Variants in SMARCA2 observed in about 807,000 individuals in gnomAD.
The protein encoded by SMARCA2 is SWI/SNF-related matrix-associated actin-dependent regulator of chromatin subfamily A member 2.
A neutral mutation model predicts 199.8 loss-of-function variants in SMARCA2; 61 were observed. The ratio of observed to expected loss-of-function variants is 0.31; its 90% CI spans 0.25 to 0.38. The LOEUF (loss-of-function observed/expected upper bound fraction) is 0.38. Among genes scored for constraint, SMARCA2 ranks in the 10% least tolerant of loss-of-function variants. SMARCA2 has a pLI of 1.00. For missense variants in SMARCA2, 1,344 were observed against 2,012.2 expected (o/e 0.67, Z 6.35); for synonymous variants, 935 against 732.0 (o/e 1.28, Z -4.48).
intron 27 of SMARCA2, among the ~76,000 whole-genome samples, chr9:2,128,116 C>T (rs1042360698): frequency 6.6e-6 from 1 of 152,068 alleles, no homozygotes; most frequent in Non-Finnish European, 1.5e-5. Context: ...CTCTCTTCCC[C>T]GGGGGCTCCC....
At chr9:2,129,552 G>C (rs1260367178) in intron 27 of SMARCA2, among the ~76,000 whole-genome samples, 1 of 152,198 alleles carries the variant, frequency 6.6e-6, no homozygotes, top group Admixed American at 6.5e-5. Flanking sequence ...TAACCAGGGA[G>C]TGCTACTGGG....
chr9:2,039,841 C>T lies in SMARCA2; in HGVS notation c.731C>T (p.Pro244Leu), dbSNP rs562886418. Residue 244 changes from proline (P) to leucine (L), a missense_variant, in exon 4 of 34, where the codon CCG (proline) becomes CTG (leucine). Coordinates refer to ENST00000349721, the MANE Select transcript of SMARCA2 (RefSeq NM_003070.5). The surrounding 1 kb of genome is among the most constrained non-coding windows in gnomAD (Gnocchi z 4.8). ...CAACAGCAGCCGCAGCAGCAGCCGC[C>T]GCAACCACAGACGCAGCAACAACAG... ...QQQQQPQQQP[P>L]QPQTQQQQQP... 60 of 1,612,486 alleles carry T rather than the reference C, an allele frequency of 3.7e-5. No homozygotes were observed. Among genetic ancestry groups the T allele is most frequent in the African/African-American group, 1.9e-4 (14 of 74,848 alleles).
At chr9:2,064,898 C>G (rs1820759488) in intron 9 of SMARCA2, among the ~76,000 whole-genome samples, 1 of 152,202 alleles carries the variant, frequency 6.6e-6, no homozygotes, top group Admixed American at 6.5e-5. Context: ...AAAAGTTTAG[C>G]CATCAGCTGG....
chr9:2,191,125 C>A, intron 32 of SMARCA2, 141 bp from the exon 33 acceptor site: 1 of 794,654 alleles, frequency 1.3e-6, no homozygotes, highest in Non-Finnish European at 2.1e-6. Flanking sequence ...GACAGAACCA[C>A]ACAGAACAGG....
chr9:2,076,421 T>A, intron 13 of SMARCA2, 92 bp downstream of exon 13: 1 of 802,138 alleles, frequency 1.2e-6, no homozygotes, highest in Non-Finnish European at 2.2e-6. Context: ...GGAAGGCAAC[T>A]AACTTCACGC....
chr9:2,151,795 A>T (rs758513478), intron 27 of SMARCA2, among the ~76,000 whole-genome samples: 19 of 141,770 alleles, frequency 1.3e-4, no homozygotes, highest in African/African-American at 2.7e-4. Flanking sequence ...CAATGAATAT[A>T]AAAAAAACAC....
intron 27 of SMARCA2, chr9:2,157,618 G>T: frequency 2.9e-6 from 1 of 341,640 alleles, no homozygotes; most frequent in Non-Finnish European, 5.3e-6. Context: ...CTTTAGAATT[G>T]CTCCTTTCAG....
At chr9:2,130,853 G>A (rs375865752) in intron 27 of SMARCA2, among the ~76,000 whole-genome samples, 1 of 152,312 alleles carries the variant, frequency 6.6e-6, no homozygotes, top group African/African-American at 2.4e-5. Flanking sequence ...GACAAGCCCA[G>A]TGGGCCACGG....
At chr9:2,085,003 C>T (rs2130478687) in intron 17 of SMARCA2, among the ~76,000 whole-genome samples, 1 of 152,244 alleles carries the variant, frequency 6.6e-6, no homozygotes, top group South Asian at 2.1e-4. Flanking sequence ...GCACTATAAT[C>T]TGAAACTAAG....
chr9:2,183,479 C>G (rs182112889), intron 31 of SMARCA2, among the ~76,000 whole-genome samples: 1 of 152,160 alleles, frequency 6.6e-6, no homozygotes, highest in African/African-American at 2.4e-5. Context: ...TTTTTCCTGT[C>G]TGTATCTCTG....
intron 24 of SMARCA2, among the ~76,000 whole-genome samples, chr9:2,112,166 G>A (rs1363756754): frequency 6.6e-6 from 1 of 152,192 alleles, no homozygotes; most frequent in Non-Finnish European, 1.5e-5. Context: ...AGCAGGCAGT[G>A]AGCTAGGCTG....
intron 27 of SMARCA2, chr9:2,160,681 C>G (rs1586771300): frequency 5.8e-6 from 4 of 690,142 alleles, no homozygotes; most frequent in East Asian, 5.4e-5. Flanking sequence ...CATTTGCATA[C>G]TGGAGGCAAT....
intron 27 of SMARCA2, among the ~76,000 whole-genome samples, chr9:2,126,329 T>C (rs929953143): frequency 6.6e-6 from 1 of 152,254 alleles, no homozygotes; most frequent in African/African-American, 2.4e-5. Flanking sequence ...AATCTAATCT[T>C]TTGAAAACTG....
At chr9:2,156,492 C>T (rs1315265351) in intron 27 of SMARCA2, among the ~76,000 whole-genome samples, 1 of 127,580 alleles carries the variant, frequency 7.8e-6, no homozygotes, top group Non-Finnish European at 1.5e-5. Flanking sequence ...TGCAATGGCA[C>T]AATCTTGGCT....
chr9:2,021,000 A>G (rs1216750115), intron 1 of SMARCA2, among the ~76,000 whole-genome samples: 1 of 152,224 alleles, frequency 6.6e-6, no homozygotes, highest in Non-Finnish European at 1.5e-5. Context: ...TTAGATAGCT[A>G]CGACTTCCAG....
intron 24 of SMARCA2, among the ~76,000 whole-genome samples, chr9:2,112,843 A>T (rs1331768356): frequency 6.6e-6 from 1 of 152,128 alleles, no homozygotes; most frequent in East Asian, 1.9e-4. Flanking sequence ...AAGGTACAGA[A>T]CTCTACTAAA....
intron 4 of SMARCA2, among the ~76,000 whole-genome samples, chr9:2,046,839 A>C (rs965470379): frequency 3.3e-5 from 5 of 152,162 alleles, no homozygotes; most frequent in Admixed American, 1.3e-4. Context: ...AAAAAGAAAA[A>C]GAAAGAAACC....
Position 2,086,773 on chromosome 9 carries a change from A to G in SMARCA2, c.2527-56A>G. On this transcript the variant is annotated intron_variant, in intron 17 of 33. Coordinates refer to ENST00000349721, the MANE Select transcript of SMARCA2 (RefSeq NM_003070.5). This position sits in a 1 kb window ranked among gnomAD's most constrained non-coding sequence, Gnocchi z 4.3. ...TTCCGCACCACCACTTGCTTGTTGGAAATAGTTGTATTTTCCCTTGCTTAC... is the reference window on the plus strand; with the variant it reads ...TTCCGCACCACCACTTGCTTGTTGGGAATAGTTGTATTTTCCCTTGCTTAC... 1 of 1,600,602 alleles carries G rather than the reference A, an allele frequency of 6.2e-7. No individual in the cohort carries two copies. The highest frequency in any genetic ancestry group is 8.5e-7 in the Non-Finnish European group (1 of 1,172,160).
Position 2,073,152 on chromosome 9 carries a change from G to T in SMARCA2, c.1747-60G>T. 3.7e-6 allele frequency: 6 copies of T among 1,602,872 alleles called. No homozygotes were observed. The South Asian group carries it at 6.7e-5, about 18-fold the overall frequency. ...AGCAAAAACTGCTGAGAAACGTCCA[G>T]TACAGGACTGGGGGAAGGTCTTAAC... On this transcript the variant is annotated intron_variant, in intron 10 of 33. Transcript: ENST00000349721.
Sources: gnomAD v4.1 joint callset for allele counts (sites outside exome capture counted in the v4.1 genomes callset) on GRCh38, gnomAD v4.1.1 for gene constraint, Gnocchi (gnomAD v3.1) non-coding constraint, MANE v1.5 for transcripts, NCBI Gene and HGNC (gene_info 2026-07-23, HGNC 2026-07-21) for gene names.